GNB5: variants seen among roughly 807,000 people sequenced by gnomAD.
GNB5 encodes G protein subunit beta 5, also known as guanine nucleotide-binding protein subunit beta-5.
In GNB5, 37 loss-of-function variants were observed where a neutral mutation model predicts 55.3. That is an observed-to-expected ratio of 0.67 (90% CI 0.51 to 0.88). The LOEUF (loss-of-function observed/expected upper bound fraction) is 0.88, where lower values mean the gene tolerates loss of function less well. Among genes scored for constraint, GNB5 ranks in the 40% least tolerant of loss-of-function variants. The pLI is 0.00. For missense variants in GNB5, 476 were observed against 515.3 expected (o/e 0.92, Z 0.74); for synonymous variants, 219 against 198.5 (o/e 1.10, Z -0.87).
At chr15:52,128,438 G>A in intron 9 of GNB5, 194 bp from the exon 10 acceptor site, 2 of 620,406 alleles carry the variant, frequency 3.2e-6, no homozygotes, top group Non-Finnish European at 5.8e-6. Context: ...GGGGGACAGT[G>A]ACACTGGCCT....
intron 2 of GNB5, 60 bp from the exon 3 acceptor site, chr15:52,179,939 G>A: frequency 2.8e-6 from 4 of 1,438,652 alleles, no homozygotes; most frequent in Non-Finnish European, 3.7e-6. Flanking sequence ...GAGCCGCGGC[G>A]GGCGCCGCTC....
At chr15:52,183,064 A>G (rs576796130) in intron 2 of GNB5, among the ~76,000 whole-genome samples, 1 of 152,330 alleles carries the variant, frequency 6.6e-6, no homozygotes, top group East Asian at 1.9e-4. Flanking sequence ...AGGCACGAGA[A>G]TCACTTGAAC....
chr15:52,187,931 A>C (rs1199405116), intron 1 of GNB5, among the ~76,000 whole-genome samples: 2 of 152,064 alleles, frequency 1.3e-5, no homozygotes, highest in East Asian at 3.8e-4. Flanking sequence ...CCTGGGTGAC[A>C]GAGTGAGACT....
At chr15:52,140,598 A>G (rs1263046715) in intron 7 of GNB5, among the ~76,000 whole-genome samples, 2 of 152,266 alleles carry the variant, frequency 1.3e-5, no homozygotes, top group African/African-American at 2.4e-5. Flanking sequence ...GGTTTGCTGA[A>G]TAAGTGTGAA....
chr15:52,175,460 C>T (rs2034632039), intron 3 of GNB5, among the ~76,000 whole-genome samples: 1 of 152,090 alleles, frequency 6.6e-6, no homozygotes, highest in Non-Finnish European at 1.5e-5. Context: ...TCTGTCAGGC[C>T]AGGCACATTA....
At chr15:52,179,621 G>T in intron 3 of GNB5, 147 bp downstream of exon 3, 1 of 310,792 alleles carries the variant, frequency 3.2e-6, no homozygotes, top group Non-Finnish European at 5.5e-6. Context: ...TCACCTGCGC[G>T]CCCGGGCCCC....
chr15:52,120,020 A>T lies in GNB5; in HGVS notation c.*2737T>A, dbSNP rs574650631. On this transcript the variant is annotated 3_prime_UTR_variant, in exon 13 of 13. Coordinates refer to ENST00000261837, the MANE Select transcript of GNB5 (RefSeq NM_016194.4). ...CGGCTGCCAGGGCCCCACCGGTGAG[A>T]GGCTGACCGCGCATTCTAAAGCACT... 6.6e-6 allele frequency: 1 copy of T among 152,312 alleles called. No individual in the cohort carries two copies. The highest frequency in any genetic ancestry group is 2.1e-4 in the South Asian group (1 of 4,810). The allele number at this position is 152,312 out of a possible 1,614,324, so 9.4% of individuals were successfully genotyped here.
intron 7 of GNB5, among the ~76,000 whole-genome samples, chr15:52,136,655 T>C (rs567470138): frequency 6.6e-6 from 1 of 152,142 alleles, no homozygotes; most frequent in African/African-American, 2.4e-5. Flanking sequence ...CACTGACGGG[T>C]GCCAGAGGAT....
rs1420937170 is a variant in GNB5 at position 52,177,662 on chromosome 15, AAAAAG to A, written c.238+2101_238+2105del. ...GGAGACTCCGTGTCAAAAAAAAAAA[AAAAAG>A]AAAAGAAAAGTAGAGAAATGAGAGA... On this transcript the variant is annotated intron_variant, in intron 3 of 12. Transcript: ENST00000261837. Among the ~76,000 whole-genome samples, 12 of 152,076 alleles carry A rather than the reference AAAAAG, an allele frequency of 7.9e-5. No individual in the cohort carries two copies. The East Asian group carries it at 1.5e-3, about 20-fold the overall frequency.
rs2033198749 is a variant in GNB5, at chr15:52,118,969, T to C, written c.*3788A>G. On this transcript the variant is annotated 3_prime_UTR_variant, in exon 13 of 13. Coordinates refer to ENST00000261837, the MANE Select transcript of GNB5 (RefSeq NM_016194.4). The stretch of plus-strand genomic sequence containing the variant: ...CTCTAACTGATGAGAATTACTAATT[T>C]GCTATATGAGTGGGGGCTGCCTATG... 2 of 144,690 alleles carry C rather than the reference T, an allele frequency of 1.4e-5. No homozygotes were observed. Among genetic ancestry groups the C allele is most frequent in the African/African-American group, 5.2e-5 (2 of 38,528 alleles). 9.0% of individuals were successfully genotyped at this position (144,690 alleles called of 1,614,324 possible).
At chr15:52,165,069 C>T (rs2034423801) in intron 3 of GNB5, among the ~76,000 whole-genome samples, 1 of 152,100 alleles carries the variant, frequency 6.6e-6, no homozygotes, top group Non-Finnish European at 1.5e-5. Flanking sequence ...GATGCAATCA[C>T]AAGTAACAAC....
chr15:52,135,933 C>T (rs2033696855), intron 7 of GNB5, 177 bp from the exon 8 acceptor site: 6 of 583,644 alleles, frequency 1.0e-5, no homozygotes, highest in South Asian at 4.4e-5. Context: ...AGAAATCTCT[C>T]TCCTATACAA....
At position 52,124,465 on chromosome 15, in the gene GNB5, C is replaced by G. The variant is rs1380143549; in HGVS notation, c.1176+8G>C. ...ACACACAGGAAAACAGAAAACCATC[C>G]CTCTTACTCTGAGGGTATGATCCCA... On this transcript the variant is annotated splice_region_variant and intron_variant, in intron 12 of 12. Transcript: ENST00000261837. 6.2e-7 allele frequency: 1 copy of G among 1,605,606 alleles called. No individual in the cohort carries two copies. The highest frequency in any genetic ancestry group is 8.5e-7 in the Non-Finnish European group (1 of 1,174,642).
intron 5 of GNB5, among the ~76,000 whole-genome samples, chr15:52,148,179 A>G (rs548981556): frequency 2.6e-5 from 4 of 152,026 alleles, no homozygotes; most frequent in Admixed American, 2.6e-4. Context: ...TCAGATATAT[A>G]CTTTTCCTTA....
At chr15:52,136,113 A>AACACACACACACACACACAC (rs751263225) in intron 7 of GNB5, among the ~76,000 whole-genome samples, 4 of 50,730 alleles carry the variant, frequency 7.9e-5, no homozygotes, top group Admixed American at 2.7e-4. Flanking sequence ...AAAAGCAGAA[A>AACACACACACACACACACAC]ACACACACAC....
At chr15:52,159,395 G>A (rs551750598) in intron 3 of GNB5, among the ~76,000 whole-genome samples, 9 of 152,096 alleles carry the variant, frequency 5.9e-5, no homozygotes, top group Admixed American at 1.3e-4. Flanking sequence ...ACCATCTGCC[G>A]CACCACGCTT....
Position 52,124,455 on chromosome 15 carries a change from G to A in GNB5, c.1176+18C>T. The A allele has an allele frequency of 6.2e-7, 1 of 1,601,714 alleles. No homozygotes were observed. The highest frequency in any genetic ancestry group is 8.5e-7 in the Non-Finnish European group (1 of 1,171,314). Reference sequence around the variant, plus strand: ...CTCTCCTCTCACACACAGGAAAACAGAAAACCATCCCTCTTACTCTGAGGG... The same window carrying A: ...CTCTCCTCTCACACACAGGAAAACAAAAAACCATCCCTCTTACTCTGAGGG... On this transcript the variant is annotated intron_variant, in intron 12 of 12. Coordinates refer to ENST00000261837, the MANE Select transcript of GNB5 (RefSeq NM_016194.4).
Position 52,154,172 on chromosome 15 carries a change from G to A in GNB5, c.239-96C>T, listed in dbSNP as rs537992560. The A allele has an allele frequency of 1.4e-4, 159 of 1,114,610 alleles. No individual in the cohort carries two copies. The South Asian group carries it at 1.6e-3, about 11-fold the overall frequency. The allele number at this position is 1,114,610 out of a possible 1,614,324, so 69.0% of individuals were successfully genotyped here. On this transcript the variant is annotated intron_variant, in intron 3 of 12. Transcript: ENST00000261837. Reference sequence around the variant, plus strand: ...AGACATATGTTCCGCAGAGGGAGGCGGCCCCATGGGCTTCCTCCATAACAA... The same window carrying A: ...AGACATATGTTCCGCAGAGGGAGGCAGCCCCATGGGCTTCCTCCATAACAA...
At chr15:52,124,693 T>C in intron 11 of GNB5, 54 bp from the exon 12 acceptor site, 1 of 1,464,132 alleles carries the variant, frequency 6.8e-7, no homozygotes, top group Non-Finnish European at 9.5e-7. Context: ...TTCCTGTTTC[T>C]CATTACATGA....
Sources: allele counts gnomAD v4.1 joint callset (sites outside exome capture counted in the v4.1 genomes callset), GRCh38; gene constraint gnomAD v4.1.1; transcripts MANE v1.5; gene names NCBI Gene and HGNC (gene_info 2026-07-23, HGNC 2026-07-21).